The following OR10J1 variants were observed in gnomAD, a reference collection of about 807,000 sequenced individuals.
The protein encoded by OR10J1 is olfactory receptor 10J1.
For synonymous variants in OR10J1, 202 were observed against 143.8 expected (o/e 1.40, Z -2.89); for missense variants, 474 against 376.6 (o/e 1.26, Z -2.14).
chr1:159,424,507 G>C, the OR10J1 span, among the ~76,000 whole-genome samples: 1 of 150,400 alleles, frequency 6.6e-6, no homozygotes, highest in Admixed American at 6.6e-5. Context: ...ACATGTATGT[G>C]TGTGTATATA....
At chr1:159,402,020 A>T in the OR10J1 span, among the ~76,000 whole-genome samples, 1 of 152,104 alleles carries the variant, frequency 6.6e-6, no homozygotes, top group Non-Finnish European at 1.5e-5. Context: ...CTGATGCTTA[A>T]AAAAGCATTT....
upstream of OR10J1, chr1:159,433,067 G>A: frequency 2.2e-6 from 1 of 450,518 alleles, no homozygotes; most frequent in Non-Finnish European, 4.0e-6. Flanking sequence ...GAACCCTGTT[G>A]TATACAGCCT....
the OR10J1 span, among the ~76,000 whole-genome samples, chr1:159,403,268 C>A: frequency 1.3e-5 from 2 of 152,080 alleles, no homozygotes; most frequent in African/African-American, 4.8e-5. Context: ...CAAATGGGAT[C>A]ACATCAAGTT....
the OR10J1 span, among the ~76,000 whole-genome samples, chr1:159,407,152 C>T: frequency 6.6e-6 from 1 of 152,118 alleles, no homozygotes; most frequent in South Asian, 2.1e-4. Flanking sequence ...TGATAGAGTG[C>T]CATGTTTTTC....
chr1:159,436,394 A>C (rs1240201825), upstream of OR10J1, among the ~76,000 whole-genome samples: 4 of 152,140 alleles, frequency 2.6e-5, no homozygotes, highest in Admixed American at 6.6e-5. Flanking sequence ...ACATTGATTC[A>C]GTTACAAGCC....
At chr1:159,424,270 A>G in the OR10J1 span, among the ~76,000 whole-genome samples, 1 of 151,478 alleles carries the variant, frequency 6.6e-6, no homozygotes, top group Admixed American at 6.6e-5. Context: ...TAAAAGTTGG[A>G]AAAAAATAGA....
At chr1:159,402,805 C>A in the OR10J1 span, among the ~76,000 whole-genome samples, 2 of 151,958 alleles carry the variant, frequency 1.3e-5, no homozygotes, top group African/African-American at 4.8e-5. Flanking sequence ...ATAGCCAAAG[C>A]TAGCCTAAGC....
At chr1:159,400,661 C>T in the OR10J1 span, among the ~76,000 whole-genome samples, 2 of 151,440 alleles carry the variant, frequency 1.3e-5, no homozygotes, top group Admixed American at 1.3e-4. Context: ...GGCCCCAATA[C>T]AATAAGAGCT....
chr1:159,405,053 A>G, the OR10J1 span, among the ~76,000 whole-genome samples: 2 of 152,100 alleles, frequency 1.3e-5, no homozygotes, highest in East Asian at 3.9e-4. Flanking sequence ...ATGGCTCACC[A>G]TGGGCTCCAT....
In OR10J1 at chr1:159,439,768, T is replaced by A. The variant is rs761937001; in HGVS notation, c.-24T>A. 1.2e-6 allele frequency: 2 copies of A among 1,613,526 alleles called. No individual in the cohort carries two copies. The highest frequency in any genetic ancestry group is 1.7e-6 in the Non-Finnish European group (2 of 1,179,576). Reference sequence around the variant, plus strand: ...GGACTATGTGACTTTTATGCTTTTATGTTTCAGATTTGGGAACCAATCCAT... The same window carrying A: ...GGACTATGTGACTTTTATGCTTTTAAGTTTCAGATTTGGGAACCAATCCAT... On this transcript the variant is annotated 5_prime_UTR_variant, in exon 1 of 1. The change abolishes an upstream ATG in the 5' untranslated region. Transcript: ENST00000423932.
rs766180195 is a variant in OR10J1 at position 159,440,441 on chromosome 1, A to G, written c.650A>G (p.Tyr217Cys). 26 of 1,614,000 alleles carry G rather than the reference A, an allele frequency of 1.6e-5. No individual in the cohort carries two copies. Among genetic ancestry groups the G allele is most frequent in the South Asian group, 8.8e-5 (8 of 91,064 alleles). ...VVPMGLVFIS[Y>C]VLIISTILKI... Reference sequence around the variant, plus strand: ...CCTATGGGTCTGGTTTTCATTTCTTATGTTCTCATTATCTCTACAATCCTC... The same window carrying G: ...CCTATGGGTCTGGTTTTCATTTCTTGTGTTCTCATTATCTCTACAATCCTC... Residue 217 changes from tyrosine to cysteine, a missense_variant, in exon 1 of 1, where the codon TAT (tyrosine) becomes TGT (cysteine). By Grantham distance (194) the Tyr-to-Cys change is radical (BLOSUM62 -2). Transcript: ENST00000423932.
chr1:159,420,920 T>C, the OR10J1 span, among the ~76,000 whole-genome samples: 1 of 152,140 alleles, frequency 6.6e-6, no homozygotes, highest in Non-Finnish European at 1.5e-5. Context: ...TTGAGACTCC[T>C]GTATCTTGAT....
upstream of OR10J1, among the ~76,000 whole-genome samples, chr1:159,435,720 G>A (rs368778653): frequency 1.3e-5 from 2 of 152,172 alleles, no homozygotes; most frequent in East Asian, 3.9e-4. Context: ...CTTCTTAAGA[G>A]GTCTAGACCC....
the OR10J1 span, among the ~76,000 whole-genome samples, chr1:159,403,444 A>G: frequency 1.3e-5 from 2 of 152,142 alleles, no homozygotes; most frequent in Admixed American, 1.3e-4. Flanking sequence ...CTGATCAAAA[A>G]TAGGCAAAAG....
chr1:159,432,757 T>C, the OR10J1 span: 1,681 of 400,438 alleles, frequency 4.2e-3, 66 homozygotes, highest in East Asian at 0.055. Flanking sequence ...ATCCGGCCCA[T>C]AATGAAGCTT....
chr1:159,401,813 TA>T, the OR10J1 span, among the ~76,000 whole-genome samples: 2 of 151,968 alleles, frequency 1.3e-5, no homozygotes, highest in Non-Finnish European at 2.9e-5. Context: ...TACAAGCCAA[TA>T]TTTTTTATGA....
chr1:159,405,868 C>G, the OR10J1 span: 1 of 719,698 alleles, frequency 1.4e-6, no homozygotes, highest in Non-Finnish European at 2.4e-6. Flanking sequence ...AAAGTCATCA[C>G]AAAAGGGCAG....
chr1:159,436,400 A>G (rs553863900), upstream of OR10J1, among the ~76,000 whole-genome samples: 14 of 152,248 alleles, frequency 9.2e-5, no homozygotes, highest in African/African-American at 3.4e-4. Flanking sequence ...ATTCAGTTAC[A>G]AGCCCTATTG....
At chr1:159,408,286 T>C in the OR10J1 span, among the ~76,000 whole-genome samples, 1 of 151,980 alleles carries the variant, frequency 6.6e-6, no homozygotes, top group African/African-American at 2.4e-5. Flanking sequence ...TATGCAACCA[T>C]AAAAAATGAT....
Sources: allele counts gnomAD v4.1 joint callset (sites outside exome capture counted in the v4.1 genomes callset), GRCh38; gene constraint gnomAD v4.1.1; transcripts MANE v1.5; gene names NCBI Gene and HGNC (gene_info 2026-07-23, HGNC 2026-07-21).